Variants in AMBRA1 observed in about 807,000 individuals in gnomAD.
AMBRA1 encodes activating molecule in BECN1-regulated autophagy protein 1.
AMBRA1 carries 47 observed loss-of-function variants against 125.4 expected under a neutral mutation model. That is an observed-to-expected ratio of 0.37 (90% CI 0.30 to 0.48). AMBRA1 has a LOEUF of 0.48. Ranked by LOEUF, AMBRA1 falls within the 20% of genes least tolerant of loss-of-function variation. The pLI is 0.99. For synonymous variants in AMBRA1, 626 were observed against 655.5 expected (o/e 0.95, Z 0.69); for missense variants, 1,331 against 1,693.4 (o/e 0.79, Z 3.76).
intron 1 of AMBRA1, among the ~76,000 whole-genome samples, chr11:46,581,223 G>A (rs956748213): frequency 7.9e-5 from 12 of 151,572 alleles, no homozygotes; most frequent in South Asian, 2.1e-4. Context: ...CTGTAATCCC[G>A]GGACTTTGGG....
chr11:46,434,755 C>A (rs1565155143), intron 13 of AMBRA1, 94 bp downstream of exon 13: 8 of 1,340,330 alleles, frequency 6.0e-6, no homozygotes, highest in East Asian at 2.4e-5. Context: ...CAGTATGTGA[C>A]CATTACTCCC....
At position 46,542,738 on chromosome 11, in the gene AMBRA1, T is replaced by G. The variant is rs1952807554; in HGVS notation, c.1279A>C (p.Asn427His). 1 of 1,613,512 alleles carries G rather than the reference T, an allele frequency of 6.2e-7. No homozygotes were observed. The highest frequency in any genetic ancestry group is 8.5e-7 in the Non-Finnish European group (1 of 1,179,962). ...SEWTRTVLSL[N>H]SRSEAESMPP... is the part of the protein sequence containing the mutation. ...ATGGATTCCGCCTCAGAGCGGGAGT[T>G]CAGACTGAGTACTGTCCGGGTCCAC... The change falls in exon 7 of 18, where the codon AAC (asparagine) becomes CAC (histidine). Residue 427 changes from asparagine (N) to histidine (H), a missense_variant. By Grantham distance (68) the Asn-to-His change is moderately conservative. This residue lies in a region of AMBRA1 where 689 missense variants were observed against 776.5 expected (regional missense o/e 0.89). Transcript: ENST00000683756. This position sits in a 1 kb window ranked among gnomAD's most constrained non-coding sequence, Gnocchi z 5.9.
chr11:46,526,633 C>T (rs138395095), intron 7 of AMBRA1, among the ~76,000 whole-genome samples: 78 of 151,028 alleles, frequency 5.2e-4, no homozygotes, highest in African/African-American at 1.7e-3. Context: ...GGGAGAGAGA[C>T]CCAGTTTATT....
intron 1 of AMBRA1, among the ~76,000 whole-genome samples, chr11:46,585,305 C>G (rs1275594827): frequency 6.6e-6 from 1 of 151,560 alleles, no homozygotes; most frequent in Non-Finnish European, 1.5e-5. Context: ...CCCTATGACC[C>G]TGCCAAATCC....
At chr11:46,491,443 A>G (rs541620360) in intron 11 of AMBRA1, 2 of 151,988 alleles carry the variant, frequency 1.3e-5, no homozygotes, top group Non-Finnish European at 2.9e-5. Context: ...CACGTAAAAC[A>G]CTCCCTAGTA....
chr11:46,590,283 TG>T (rs2044550762), intron 1 of AMBRA1, among the ~76,000 whole-genome samples: 1 of 151,694 alleles, frequency 6.6e-6, no homozygotes, highest in African/African-American at 2.4e-5. Context: ...GAGGCTGCAG[TG>T]AGCCAAGATT....
intron 1 of AMBRA1, among the ~76,000 whole-genome samples, chr11:46,586,201 T>C (rs2044394535): frequency 6.6e-6 from 1 of 151,654 alleles, no homozygotes; most frequent in African/African-American, 2.4e-5. Flanking sequence ...GAAGCCAGAG[T>C]TCAACACAAG....
At chr11:46,574,794 C>T (rs2043895045) in intron 1 of AMBRA1, among the ~76,000 whole-genome samples, 1 of 152,214 alleles carries the variant, frequency 6.6e-6, no homozygotes, top group South Asian at 2.1e-4. Flanking sequence ...TTCTCCATCT[C>T]AGCTCTACCA....
intron 1 of AMBRA1, among the ~76,000 whole-genome samples, chr11:46,553,471 G>C (rs1483888776): frequency 6.6e-6 from 1 of 152,064 alleles, no homozygotes; most frequent in Non-Finnish European, 1.5e-5. Flanking sequence ...GTTTGGCCAG[G>C]TGCAGTGGCT....
In AMBRA1 at chr11:46,535,835, C is replaced by T. The variant is rs573428301; in HGVS notation, c.2072+6110G>A. Among the ~76,000 whole-genome samples the T allele has an allele frequency of 9.9e-5, 15 of 152,210 alleles. No individual in the cohort carries two copies. The East Asian group carries it at 1.4e-3, about 14-fold the overall frequency. ...ATGATGCCAGTGCTCTCGAGGAAGG[C>T]GCAGACCCTGAGTCATCAGTGTAAA... On this transcript the variant is annotated intron_variant, in intron 7 of 17. Transcript: ENST00000683756.
chr11:46,428,528 A>G, intron 14 of AMBRA1: 3 of 859,544 alleles, frequency 3.5e-6, no homozygotes, highest in Non-Finnish European at 5.5e-6. Flanking sequence ...TCAAGTTCCT[A>G]GTGCCTCTAG....
intron 11 of AMBRA1, among the ~76,000 whole-genome samples, chr11:46,458,174 T>C (rs188973074): frequency 6.6e-6 from 1 of 152,128 alleles, no homozygotes; most frequent in Non-Finnish European, 1.5e-5. Flanking sequence ...GATAGCTAAT[T>C]TGAAATAGCT....
intron 1 of AMBRA1, among the ~76,000 whole-genome samples, chr11:46,570,105 A>G (rs2043701425): frequency 6.6e-6 from 1 of 152,016 alleles, no homozygotes; most frequent in African/African-American, 2.4e-5. Flanking sequence ...TACTAAAAAT[A>G]TAAAAAAATA....
chr11:46,493,800 C>G, intron 10 of AMBRA1, 92 bp from the exon 11 acceptor site: 1 of 893,858 alleles, frequency 1.1e-6, no homozygotes, highest in Non-Finnish European at 1.7e-6. Flanking sequence ...GCTAAGGGAC[C>G]CACTGAATCC....
intron 11 of AMBRA1, among the ~76,000 whole-genome samples, chr11:46,460,856 G>A (rs1949065824): frequency 6.6e-6 from 1 of 152,132 alleles, no homozygotes; most frequent in Non-Finnish European, 1.5e-5. Context: ...AGAGGCCAGG[G>A]TGGGAAGATC....
intron 1 of AMBRA1, among the ~76,000 whole-genome samples, chr11:46,558,589 G>C (rs2043232725): frequency 7.0e-6 from 1 of 142,606 alleles, no homozygotes; most frequent in Admixed American, 7.1e-5. Context: ...TACCTACCTA[G>C]TATCTACTAA....
intron 7 of AMBRA1, among the ~76,000 whole-genome samples, chr11:46,530,345 A>C (rs1375426572): frequency 6.6e-6 from 1 of 152,178 alleles, no homozygotes; most frequent in Admixed American, 6.5e-5. Flanking sequence ...AGATCAGCCT[A>C]GTAGGTGCTA....
chr11:46,445,634 G>A (rs1467712905), intron 11 of AMBRA1, among the ~76,000 whole-genome samples: 1 of 152,154 alleles, frequency 6.6e-6, no homozygotes, highest in African/African-American at 2.4e-5. Flanking sequence ...TTCCCTGGAA[G>A]GAATTATTCC....
intron 14 of AMBRA1, among the ~76,000 whole-genome samples, chr11:46,428,431 T>C (rs967988510): frequency 6.6e-6 from 1 of 152,092 alleles, no homozygotes; most frequent in Non-Finnish European, 1.5e-5. Flanking sequence ...AGCTTCCTCC[T>C]CAACCCAAGT....
Sources: allele counts gnomAD v4.1 joint callset (sites outside exome capture counted in the v4.1 genomes callset), GRCh38; gene constraint gnomAD v4.1.1; regional missense constraint gnomAD v4.1.1; non-coding constraint Gnocchi (gnomAD v3.1); transcripts MANE v1.5; gene names NCBI Gene and HGNC (gene_info 2026-07-23, HGNC 2026-07-21).